The following ACBD4 variants were observed in gnomAD, a reference collection of about 807,000 sequenced individuals.
ACBD4 encodes the protein acyl-CoA binding domain containing 4, also known as acyl-CoA-binding domain-containing protein 4.
A neutral mutation model predicts 46.0 loss-of-function variants in ACBD4; 41 were observed. The ratio of observed to expected loss-of-function variants is 0.89; its 90% CI spans 0.69 to 1.16. ACBD4 has a LOEUF of 1.16. Among genes scored for constraint, ACBD4 ranks in the 50% most tolerant of loss-of-function variants. ACBD4 has a pLI of 0.00. For missense variants in ACBD4, 393 were observed against 399.5 expected (o/e 0.98, Z 0.14); for synonymous variants, 162 against 155.9 (o/e 1.04, Z -0.29).
intron 9 of ACBD4, 34 bp downstream of exon 9, chr17:45,139,194 G>C: frequency 6.2e-7 from 1 of 1,610,066 alleles, no homozygotes; most frequent in South Asian, 1.1e-5. Context: ...CAAGATGATG[G>C]CAGAATCCGG....
At chr17:45,138,049 G>C (rs2054986138) in intron 8 of ACBD4, 61 bp downstream of exon 8, 38 of 1,511,476 alleles carry the variant, frequency 2.5e-5, no homozygotes, top group Non-Finnish European at 3.3e-5. Context: ...GGCACCCCAG[G>C]CTTTCTCTTG....
At chr17:45,136,335 C>T in intron 2 of ACBD4, 103 bp downstream of exon 2, 1 of 1,530,976 alleles carries the variant, frequency 6.5e-7, no homozygotes, top group Non-Finnish European at 9.0e-7. Flanking sequence ...CAGACAAGCC[C>T]CTGCCTGGGC....
chr17:45,141,223 C>A (rs1280286112), intron 9 of ACBD4, among the ~76,000 whole-genome samples: 1 of 152,168 alleles, frequency 6.6e-6, no homozygotes, highest in African/African-American at 2.4e-5. Flanking sequence ...CCTTTCAATT[C>A]TCTTTTAATC....
upstream of ACBD4, chr17:45,133,410 G>T (rs1157309850): frequency 6.6e-6 from 1 of 152,092 alleles, no homozygotes; most frequent in African/African-American, 2.4e-5. Context: ...AGTGCTCAGG[G>T]CCTGATTTGC....
Position 45,137,016 on chromosome 17 carries a change from C to A in ACBD4, c.295-3C>A. ...CGTCCCCAACAGACCCCCTCCCCTA[C>A]AGGTGATCGACACAGTGCCCCTGGG... On this transcript the variant is annotated splice_polypyrimidine_tract_variant and splice_region_variant and intron_variant, in intron 4 of 9. Coordinates refer to ENST00000321854, the MANE Select transcript of ACBD4 (RefSeq NM_001135705.3). 6.2e-7 allele frequency: 1 copy of A among 1,614,084 alleles called. No individual in the cohort carries two copies. The highest frequency in any genetic ancestry group is 8.5e-7 in the Non-Finnish European group (1 of 1,179,982).
chr17:45,139,640 G>A (rs777499708), intron 9 of ACBD4, among the ~76,000 whole-genome samples: 6 of 152,296 alleles, frequency 3.9e-5, no homozygotes, highest in East Asian at 1.9e-4. Context: ...CTGGAGCCCC[G>A]CTGGGTGCGA....
chr17:45,137,220 G>T (rs1423431190), intron 5 of ACBD4, 81 bp downstream of exon 5: 2 of 1,603,986 alleles, frequency 1.2e-6, no homozygotes, highest in Non-Finnish European at 1.7e-6. Context: ...GGGGCAGAGG[G>T]CTCCAGGCGA....
At chr17:45,140,830 T>A (rs1293896170) in intron 9 of ACBD4, among the ~76,000 whole-genome samples, 1 of 152,020 alleles carries the variant, frequency 6.6e-6, no homozygotes, top group Admixed American at 6.5e-5. Context: ...CTGGCCAACA[T>A]GGCAAAACCC....
chr17:45,138,830 G>A (rs1163668496), intron 8 of ACBD4, among the ~76,000 whole-genome samples, 191 bp from the exon 9 acceptor site: 1 of 151,368 alleles, frequency 6.6e-6, no homozygotes, highest in East Asian at 1.9e-4. Flanking sequence ...TGTGTCATAA[G>A]CGGCCATGCT....
chr17:45,141,381 T>C (rs2055263685), intron 9 of ACBD4, among the ~76,000 whole-genome samples: 1 of 151,996 alleles, frequency 6.6e-6, no homozygotes. Flanking sequence ...TCTAAACACT[T>C]GATTAGAGTC....
Position 45,136,124 on chromosome 17 carries a change from G to A in ACBD4, c.-21G>A, listed in dbSNP as rs1239769352. 1.2e-6 allele frequency: 2 copies of A among 1,611,132 alleles called. No individual in the cohort carries two copies. Among genetic ancestry groups the A allele is most frequent in the Admixed American group, 1.7e-5 (1 of 59,602 alleles). On this transcript the variant is annotated 5_prime_UTR_variant, in exon 2 of 10. Coordinates refer to ENST00000321854, the MANE Select transcript of ACBD4 (RefSeq NM_001135705.3). The stretch of plus-strand genomic sequence containing the variant: ...TTCTTGCAGAGTCGCTCAAAAGTAG[G>A]GCCCCAGGGCTCGCAGCAGCATGGG...
Position 45,139,304 on chromosome 17 carries a change from G to A in ACBD4, c.789+144G>A, listed in dbSNP as rs1333603887. The A allele has an allele frequency of 4.8e-5, 43 of 889,518 alleles. 1 individual carries two copies. Among genetic ancestry groups the A allele is most frequent in the Non-Finnish European group, 7.0e-5 (40 of 574,798 alleles). The allele number at this position is 889,518 out of a possible 1,614,324, so 55.1% of individuals were successfully genotyped here. On this transcript the variant is annotated intron_variant, in intron 9 of 9. Coordinates refer to ENST00000321854, the MANE Select transcript of ACBD4 (RefSeq NM_001135705.3). ...GAGAATGGCATGGCTCCTGCTACAG[G>A]CAGGAGGTGGGGGTGAGGGTGGAGG...
At chr17:45,139,995 G>A (rs1394581593) in intron 9 of ACBD4, among the ~76,000 whole-genome samples, 1 of 152,156 alleles carries the variant, frequency 6.6e-6, no homozygotes, top group Non-Finnish European at 1.5e-5. Context: ...AAAAGCCTGA[G>A]GTAGTGGGGG....
At chr17:45,132,485 G>GC (rs2054478732), upstream of ACBD4, 1 of 946,946 alleles carries the variant, frequency 1.1e-6, no homozygotes, top group South Asian at 5.0e-5. This position sits in a 1 kb window ranked among gnomAD's most constrained non-coding sequence, Gnocchi z 4.6. Flanking sequence ...CTCTGGCCCG[G>GC]CCCCGGCTCT....
chr17:45,132,639 G>T (rs370617588), upstream of ACBD4: 21 of 258,942 alleles, frequency 8.1e-5, no homozygotes, highest in South Asian at 1.0e-3. This position sits in a 1 kb window ranked among gnomAD's most constrained non-coding sequence, Gnocchi z 4.6. Flanking sequence ...CTGGAAGCCC[G>T]GAGCCTCAGC....
upstream of ACBD4, chr17:45,132,626 G>A (rs546149193): frequency 2.3e-5 from 6 of 264,844 alleles, no homozygotes; most frequent in Non-Finnish European, 4.2e-5. The surrounding 1 kb of genome is among the most constrained non-coding windows in gnomAD (Gnocchi z 4.6). Flanking sequence ...GCCAGGCGGT[G>A]GCCTGGAAGC....
intron 2 of ACBD4, 31 bp downstream of exon 2, chr17:45,136,263 G>T (rs781544591): frequency 6.2e-7 from 1 of 1,609,104 alleles, no homozygotes; most frequent in South Asian, 1.1e-5. Context: ...ATTTGGACTC[G>T]CATTCAGGAC....
chr17:45,132,862 G>T (rs539558782), upstream of ACBD4, among the ~76,000 whole-genome samples: 1 of 152,280 alleles, frequency 6.6e-6, no homozygotes, highest in Non-Finnish European at 1.5e-5. The surrounding 1 kb of genome is among the most constrained non-coding windows in gnomAD (Gnocchi z 4.6). Flanking sequence ...CCGCGTCCCC[G>T]TCGCGCCGCA....
At chr17:45,132,788 G>A (rs187549251), upstream of ACBD4, 169 of 158,038 alleles carry the variant, frequency 1.1e-3, 1 homozygote, top group Non-Finnish European at 1.8e-3. This position sits in a 1 kb window ranked among gnomAD's most constrained non-coding sequence, Gnocchi z 4.6. Flanking sequence ...CTCTGGCACA[G>A]ACACCCTCTC....
Sources: gnomAD v4.1 joint callset for allele counts (sites outside exome capture counted in the v4.1 genomes callset) on GRCh38, gnomAD v4.1.1 for gene constraint, Gnocchi (gnomAD v3.1) non-coding constraint, MANE v1.5 for transcripts, NCBI Gene and HGNC (gene_info 2026-07-23, HGNC 2026-07-21) for gene names.